Variants in ATPAF2 observed in about 807,000 individuals in gnomAD.
The protein encoded by ATPAF2 is ATP synthase mitochondrial F1 complex assembly factor 2, also known as ATP12 homolog.
ATPAF2 carries 30 observed loss-of-function variants against 36.6 expected under a neutral mutation model. That is an observed-to-expected ratio of 0.82 (90% CI 0.61 to 1.11). The LOEUF (loss-of-function observed/expected upper bound fraction) is 1.11. ATPAF2 is among the 50% of genes most tolerant of loss of function. ATPAF2 has a pLI of 0.00. For synonymous variants in ATPAF2, 140 were observed against 152.6 expected (o/e 0.92, Z 0.61); for missense variants, 321 against 372.3 (o/e 0.86, Z 1.13).
At chr17:18,021,880 A>G (rs1327947469) in intron 5 of ATPAF2, 23 bp from the exon 6 acceptor site, 2 of 1,604,158 alleles carry the variant, frequency 1.2e-6, no homozygotes, top group African/African-American at 2.7e-5. Flanking sequence ...GGGCTTCGGC[A>G]TGTCTCTGTC....
chr17:18,025,987 A>C, intron 4 of ATPAF2: 1 of 437,588 alleles, frequency 2.3e-6, no homozygotes, highest in Admixed American at 3.5e-5. Flanking sequence ...TTACCTGAGA[A>C]AGTGTCGGTG....
chr17:18,034,469 G>A (rs2044678236), intron 1 of ATPAF2, among the ~76,000 whole-genome samples: 1 of 152,064 alleles, frequency 6.6e-6, no homozygotes, highest in Non-Finnish European at 1.5e-5. Context: ...TATACAAATA[G>A]CCATTAAGCA....
chr17:18,029,207 C>T (rs1949589822), intron 1 of ATPAF2, among the ~76,000 whole-genome samples: 1 of 152,236 alleles, frequency 6.6e-6, no homozygotes, highest in Non-Finnish European at 1.5e-5. Flanking sequence ...GTGTATCCAA[C>T]AGGAACTCCA....
At chr17:18,017,378 A>C (rs1246017918), downstream of ATPAF2, among the ~76,000 whole-genome samples, 1 of 152,138 alleles carries the variant, frequency 6.6e-6, no homozygotes, top group Non-Finnish European at 1.5e-5. Context: ...TGCCAGCCAC[A>C]GGCAAAAGGA....
At chr17:18,026,005 G>A in intron 4 of ATPAF2, 1 of 473,692 alleles carries the variant, frequency 2.1e-6, no homozygotes, top group Non-Finnish European at 3.9e-6. Context: ...GTGGGCAGAA[G>A]TTTAAGGTCA....
At chr17:18,019,186 C>CACACACACACA (rs71155310) in intron 7 of ATPAF2, among the ~76,000 whole-genome samples, 1 of 147,136 alleles carries the variant, frequency 6.8e-6, no homozygotes, top group African/African-American at 2.5e-5. Flanking sequence ...CACACACACA[C>CACACACACACA]CCCACCACCC....
intron 5 of ATPAF2, among the ~76,000 whole-genome samples, chr17:18,023,129 A>G (rs2044495605): frequency 2.0e-5 from 1 of 49,280 alleles, no homozygotes; most frequent in Non-Finnish European, 3.3e-5. Context: ...ACTCCTTTCA[A>G]AAAAAAAAAA....
chr17:18,026,455 G>A (rs2044547067), intron 3 of ATPAF2, 39 bp from the exon 4 acceptor site: 2 of 1,534,328 alleles, frequency 1.3e-6, no homozygotes, highest in Non-Finnish European at 1.8e-6. Context: ...ACTGCCTGCG[G>A]GGCTCAGGCA....
At position 18,028,035 on chromosome 17, in the gene ATPAF2, T is replaced by C. The variant is rs759198603; in HGVS notation, c.324+197A>G. 4.1e-4 allele frequency: 274 copies of C among 674,904 alleles called. 1 individual carries two copies. The highest frequency in any genetic ancestry group is 7.8e-4 in the Middle Eastern group (2 of 2,558). 41.8% of individuals were successfully genotyped at this position (674,904 alleles called of 1,614,324 possible). ...AACCAGCCATCCAGCACAGTGTTCCTAGGAGAGAGAGCTGCAAGTAGCCGG... is the reference window on the plus strand; with the variant it reads ...AACCAGCCATCCAGCACAGTGTTCCCAGGAGAGAGAGCTGCAAGTAGCCGG... On this transcript the variant is annotated intron_variant, in intron 3 of 7. Transcript: ENST00000474627.
chr17:18,021,318 G>A, intron 6 of ATPAF2, 80 bp from the exon 7 acceptor site: 3 of 1,067,404 alleles, frequency 2.8e-6, no homozygotes, highest in South Asian at 2.7e-5. Context: ...AGCAGCCCTA[G>A]CAGAGAACAG....
In ATPAF2 at chr17:18,021,795, C is replaced by G. The variant is rs780166761; in HGVS notation, c.566G>C (p.Arg189Pro). Residue 189 changes from arginine to proline, a missense_variant, in exon 6 of 8, where the codon CGG becomes CCG. By Grantham distance (103) the Arg-to-Pro change is moderately radical. Around this residue, in one of 3 missense-constraint regions of ATPAF2, gnomAD observed 199 missense variants for 220.6 expected, o/e 0.90. Transcript: ENST00000474627. ...IMGPSIPAKT[R>P]EVLVSHLASY... ...TGCCAGGTGGCTGACGAGCACCTCCCGAGTTTTGGCAGGGATGCTGGGTCC... is the reference window on the plus strand; with the variant it reads ...TGCCAGGTGGCTGACGAGCACCTCCGGAGTTTTGGCAGGGATGCTGGGTCC... 5.6e-6 allele frequency: 9 copies of G among 1,614,120 alleles called. No homozygotes were observed. Among genetic ancestry groups the G allele is most frequent in the Non-Finnish European group, 7.6e-6 (9 of 1,180,028 alleles).
At chr17:18,016,816 G>A (rs1298087339), downstream of ATPAF2, 3 of 479,068 alleles carry the variant, frequency 6.3e-6, no homozygotes, top group South Asian at 3.5e-5. Flanking sequence ...CCCCACCCCT[G>A]GAAAAACTTC....
intron 3 of ATPAF2, 159 bp from the exon 4 acceptor site, chr17:18,026,575 G>A: frequency 1.5e-6 from 1 of 685,138 alleles, no homozygotes; most frequent in Non-Finnish European, 2.7e-6. Flanking sequence ...CAGCTACTGA[G>A]AGTGTGCCAC....
At chr17:18,019,187 C>CACACACA (rs1256217214) in intron 7 of ATPAF2, among the ~76,000 whole-genome samples, 12 of 40,424 alleles carry the variant, frequency 3.0e-4, no homozygotes, top group African/African-American at 7.2e-4. Flanking sequence ...ACACACACAC[C>CACACACA]CCACCACCCC....
chr17:18,016,001 GCTCC>G, downstream of ATPAF2: 1 of 1,578,544 alleles, frequency 6.3e-7, no homozygotes, highest in Non-Finnish European at 8.7e-7. Context: ...TCTCTGTTCA[GCTCC>G]CTTTGTGTTC....
chr17:18,016,032 C>T (rs566959966), downstream of ATPAF2: 35 of 1,610,428 alleles, frequency 2.2e-5, no homozygotes, highest in Middle Eastern at 1.6e-4. Flanking sequence ...TAATGACACA[C>T]ACTTTCTCAT....
At chr17:18,030,854 T>TTA (rs1555529281) in intron 1 of ATPAF2, among the ~76,000 whole-genome samples, 47 of 112,984 alleles carry the variant, frequency 4.2e-4, no homozygotes, top group African/African-American at 1.6e-3. Context: ...TTTTTTTTTT[T>TTA]AGTAGAGACG....
intron 7 of ATPAF2, among the ~76,000 whole-genome samples, chr17:18,019,130 A>C (rs2044428137): frequency 7.0e-6 from 1 of 143,466 alleles, no homozygotes; most frequent in Non-Finnish European, 1.5e-5. Context: ...ACAGAGCAAG[A>C]CCCTGTCTCA....
At chr17:18,019,147 CCACACACACACACACACACACACA>C (rs138932269) in intron 7 of ATPAF2, among the ~76,000 whole-genome samples, 10 of 135,658 alleles carry the variant, frequency 7.4e-5, no homozygotes, top group African/African-American at 2.9e-4. Context: ...CTCAAAAACA[CCACACACACACACACACACACACA>C]CACACACACA....
Sources: gnomAD v4.1 joint callset for allele counts (sites outside exome capture counted in the v4.1 genomes callset) on GRCh38, gnomAD v4.1.1 for gene constraint, gnomAD v4.1.1 regional missense constraint, MANE v1.5 for transcripts, NCBI Gene and HGNC (gene_info 2026-07-23, HGNC 2026-07-21) for gene names.